SGCD: variants seen among roughly 807,000 people sequenced by gnomAD.
The protein encoded by SGCD is delta-sarcoglycan.
A neutral mutation model predicts 36.6 loss-of-function variants in SGCD; 18 were observed. The ratio of observed to expected loss-of-function variants is 0.49; its 90% confidence interval spans 0.34 to 0.73. The LOEUF is 0.73. Ranked by LOEUF, SGCD falls within the 30% of genes least tolerant of loss-of-function variation. The probability of loss-of-function intolerance (pLI) is 0.01; values close to 1 mark genes in which losing one functional copy is unlikely to be tolerated. For synonymous variants in SGCD, 133 were observed against 130.6 expected (o/e 1.02, Z -0.12); for missense variants, 387 against 346.7 (o/e 1.12, Z -0.92).
intron 6 of SGCD, among the ~76,000 whole-genome samples, chr5:156,641,288 A>G (rs923793341): frequency 1.3e-5 from 2 of 152,190 alleles, no homozygotes; most frequent in African/African-American, 4.8e-5. Flanking sequence ...GAGTATTTAA[A>G]TATCAGATTG....
chr5:156,215,258 C>A (rs1764543074), intron 3 of SGCD, among the ~76,000 whole-genome samples: 1 of 152,012 alleles, frequency 6.6e-6, no homozygotes, highest in Non-Finnish European at 1.5e-5. Flanking sequence ...GGAGAAGCTC[C>A]ATGATATTGA....
At chr5:156,124,885 T>C (rs1762134438) in intron 3 of SGCD, among the ~76,000 whole-genome samples, 1 of 151,954 alleles carries the variant, frequency 6.6e-6, no homozygotes, top group Non-Finnish European at 1.5e-5. Context: ...ATAACAACCA[T>C]CTGGAATAGG....
intron 3 of SGCD, among the ~76,000 whole-genome samples, chr5:156,496,474 C>T (rs1369558415): frequency 2.0e-5 from 3 of 151,966 alleles, no homozygotes; most frequent in Non-Finnish European, 2.9e-5. Flanking sequence ...AAGCCAGACT[C>T]GACTGTATGT....
chr5:155,881,770 T>C (rs1755892902), intron 1 of SGCD, among the ~76,000 whole-genome samples: 1 of 152,202 alleles, frequency 6.6e-6, no homozygotes, highest in South Asian at 2.1e-4. Context: ...ATCAACAAAG[T>C]TTATAGAATT....
At chr5:155,837,243 C>T in the SGCD span, among the ~76,000 whole-genome samples, 83 of 152,164 alleles carry the variant, frequency 5.5e-4, no homozygotes, top group East Asian at 9.7e-4. Flanking sequence ...CTGTAACTTC[C>T]GCCTCCAGGG....
At chr5:156,339,433 A>G (rs1768529822) in intron 2 of SGCD, among the ~76,000 whole-genome samples, 1 of 152,230 alleles carries the variant, frequency 6.6e-6, no homozygotes, top group African/African-American at 2.4e-5. Flanking sequence ...TTCTTCTGAT[A>G]TAGCTAGTTA....
At chr5:156,190,635 A>G (rs1432028964) in intron 3 of SGCD, among the ~76,000 whole-genome samples, 1 of 152,140 alleles carries the variant, frequency 6.6e-6, no homozygotes, top group Non-Finnish European at 1.5e-5. Flanking sequence ...TCTTGTGGAG[A>G]TTATATTTTA....
intron 3 of SGCD, among the ~76,000 whole-genome samples, chr5:156,386,729 G>A (rs776964477): frequency 6.6e-6 from 1 of 152,168 alleles, no homozygotes; most frequent in African/African-American, 2.4e-5. Context: ...TTAGAGCTTC[G>A]GAGCACTCCA....
chr5:155,830,828 T>C, the SGCD span, among the ~76,000 whole-genome samples: 1 of 152,202 alleles, frequency 6.6e-6, no homozygotes, highest in East Asian at 1.9e-4. Flanking sequence ...ATATTACCAT[T>C]TTCCACTGGT....
intron 6 of SGCD, among the ~76,000 whole-genome samples, chr5:156,597,320 G>C (rs1760967842): frequency 6.6e-6 from 1 of 152,066 alleles, no homozygotes; most frequent in African/African-American, 2.4e-5. Context: ...ACATACCCTA[G>C]ACTGGGTAAT....
intron 1 of SGCD, among the ~76,000 whole-genome samples, chr5:155,933,982 G>A (rs1185692995): frequency 1.3e-5 from 2 of 152,188 alleles, no homozygotes; most frequent in African/African-American, 4.8e-5. Flanking sequence ...CTAGGTGCCT[G>A]GAACATTAGG....
intron 4 of SGCD, among the ~76,000 whole-genome samples, chr5:156,521,232 C>T (rs1757390236): frequency 6.6e-6 from 1 of 152,060 alleles, no homozygotes; most frequent in African/African-American, 2.4e-5. Flanking sequence ...AAATGTAAAA[C>T]CCCAAACCAC....
chr5:156,696,230 AGT>A (rs1364114881), intron 7 of SGCD, among the ~76,000 whole-genome samples: 1 of 152,158 alleles, frequency 6.6e-6, no homozygotes, highest in Non-Finnish European at 1.5e-5. Context: ...GAAGCTAAGC[AGT>A]GATTCATTGT....
intron 3 of SGCD, among the ~76,000 whole-genome samples, chr5:156,233,611 T>C (rs1306729267): frequency 2.0e-5 from 3 of 152,204 alleles, no homozygotes; most frequent in African/African-American, 7.2e-5. Flanking sequence ...TCTTACAGTG[T>C]CACATTTTTG....
At chr5:156,710,594 A>G (rs1167031302) in intron 7 of SGCD, among the ~76,000 whole-genome samples, 1 of 152,238 alleles carries the variant, frequency 6.6e-6, no homozygotes, top group East Asian at 1.9e-4. Context: ...AATTGGTTTG[A>G]TCTGGAAAGG....
At chr5:156,491,078 C>T (rs957154745) in intron 3 of SGCD, among the ~76,000 whole-genome samples, 3 of 151,946 alleles carry the variant, frequency 2.0e-5, no homozygotes, top group African/African-American at 7.2e-5. Flanking sequence ...GAAGCAGTCT[C>T]ATTTATAATT....
At chr5:155,929,084 C>T (rs181237697) in intron 1 of SGCD, among the ~76,000 whole-genome samples, 1 of 152,002 alleles carries the variant, frequency 6.6e-6, no homozygotes, top group Admixed American at 6.5e-5. Flanking sequence ...AATTCAAATC[C>T]CTAGAGTAAT....
intron 3 of SGCD, among the ~76,000 whole-genome samples, chr5:156,269,447 G>C (rs1031785112): frequency 1.7e-5 from 2 of 117,666 alleles, no homozygotes; most frequent in African/African-American, 6.7e-5. Flanking sequence ...TCCAGCCTAG[G>C]GGACAGAGTG....
intron 3 of SGCD, among the ~76,000 whole-genome samples, chr5:156,345,908 G>A (rs1768913597): frequency 6.6e-6 from 1 of 151,762 alleles, no homozygotes; most frequent in African/African-American, 2.4e-5. Context: ...ATTTTCTTCT[G>A]CTTGGAGTGC....
Sources: allele counts gnomAD v4.1 joint callset (sites outside exome capture counted in the v4.1 genomes callset), GRCh38; gene constraint gnomAD v4.1.1; transcripts MANE v1.5; gene names NCBI Gene and HGNC (gene_info 2026-07-23, HGNC 2026-07-21).